XYLB: variants seen among roughly 807,000 people sequenced by gnomAD.
XYLB encodes the protein xylulokinase, also known as xylulose kinase.
Under a neutral mutation model 78.7 loss-of-function variants are expected in XYLB, and 62 were observed. That is an observed-to-expected ratio of 0.79 (90% CI 0.64 to 0.97). XYLB has a LOEUF of 0.97. Among genes scored for constraint, XYLB ranks in the 50% least tolerant of loss-of-function variants. The pLI is 0.00. For synonymous variants in XYLB, 245 were observed against 247.4 expected (o/e 0.99, Z 0.09); for missense variants, 687 against 676.8 (o/e 1.02, Z -0.17).
At chr3:38,422,678 A>C (rs545920963), downstream of XYLB, among the ~76,000 whole-genome samples, 3 of 152,188 alleles carry the variant, frequency 2.0e-5, no homozygotes, top group East Asian at 5.8e-4. Context: ...TGTACCTATA[A>C]ATTTATGGGG....
rs1455450010 is a variant in XYLB, at chr3:38,400,969, G to A, written c.1517G>A (p.Ser506Asn). 2.5e-6 allele frequency: 4 copies of A among 1,614,060 alleles called. No individual in the cohort carries two copies. The African/African-American group carries it at 4.0e-5, about 16-fold the overall frequency. The change falls in exon 18 of 19, where the codon AGC becomes AAC. Residue 506 changes from serine (S) to asparagine (N), a missense_variant. Ser to Asn is a conservative substitution (Grantham distance 46, BLOSUM62 1). Coordinates refer to ENST00000207870, the MANE Select transcript of XYLB (RefSeq NM_005108.4). ...APNPRLAATPSPGASQVYEAL... is the reference protein window; with the variant it reads ...APNPRLAATPNPGASQVYEAL... ...AATCCCAGACTAGCTGCTACCCCAAGCCCGGGAGCTTCTCAGGTGAGAGAC... is the reference window on the plus strand; with the variant it reads ...AATCCCAGACTAGCTGCTACCCCAAACCCGGGAGCTTCTCAGGTGAGAGAC...
chr3:38,375,725 C>G (rs901956876), intron 12 of XYLB, among the ~76,000 whole-genome samples: 2 of 152,122 alleles, frequency 1.3e-5, no homozygotes, highest in Non-Finnish European at 2.9e-5. Flanking sequence ...GGAGACCTGT[C>G]CAAAGCTCCT....
At chr3:38,368,163 T>TC in intron 7 of XYLB, 22 bp from the exon 8 acceptor site, 1 of 1,612,498 alleles carries the variant, frequency 6.2e-7, no homozygotes, top group South Asian at 1.1e-5. Flanking sequence ...GAGGCACCTC[T>TC]CACTGTTTCT....
chr3:38,406,057 G>A lies in XYLB; in HGVS notation c.1533+5072G>A, dbSNP rs181122952. ...GTGGTTCTCCCAGCACACCTCTGGAGATCTGAGAATGGGCAGACTGCCTCC... is the reference window on the plus strand; with the variant it reads ...GTGGTTCTCCCAGCACACCTCTGGAAATCTGAGAATGGGCAGACTGCCTCC... On this transcript the variant is annotated intron_variant, in intron 18 of 18. Transcript: ENST00000207870. 6.9e-3 allele frequency among the ~76,000 whole-genome samples: 1,048 copies of A among 152,348 alleles called. 7 individuals are homozygous for A. The highest frequency in any genetic ancestry group is 0.011 in the Non-Finnish European group (777 of 68,024).
At chr3:38,408,126 A>G (rs1258255137) in intron 18 of XYLB, among the ~76,000 whole-genome samples, 1 of 151,608 alleles carries the variant, frequency 6.6e-6, no homozygotes, top group Non-Finnish European at 1.5e-5. Context: ...TTGACCACAT[A>G]CTTGGAAGTA....
chr3:38,357,909 A>C (rs1454572303), intron 2 of XYLB, among the ~76,000 whole-genome samples: 4 of 28,656 alleles, frequency 1.4e-4, no homozygotes, highest in Non-Finnish European at 4.0e-4. Context: ...GAGTTGTAAA[A>C]GTTTTTTTTA....
Position 38,414,474 on chromosome 3 carries a change from T to A in XYLB, c.*1461T>A, listed in dbSNP as rs1708722175. 6.6e-6 allele frequency: 1 copy of A among 152,216 alleles called. No homozygotes were observed. The highest frequency in any genetic ancestry group is 2.1e-4 in the South Asian group (1 of 4,828). 9.4% of individuals were successfully genotyped at this position (152,216 alleles called of 1,614,324 possible). A position where few individuals can be genotyped will look rare whatever the true frequency, so the allele number is the denominator to read the frequency against. On this transcript the variant is annotated 3_prime_UTR_variant, in exon 19 of 19. Transcript: ENST00000207870. ...TACTTTTTAAAGACATTTTACATTATTGTCCAGCAGAAAAAGGCTGTCTTG... is the reference window on the plus strand; with the variant it reads ...TACTTTTTAAAGACATTTTACATTAATGTCCAGCAGAAAAAGGCTGTCTTG...
At chr3:38,416,343 A>G (rs946089657), downstream of XYLB, among the ~76,000 whole-genome samples, 3 of 152,328 alleles carry the variant, frequency 2.0e-5, no homozygotes, top group Middle Eastern at 3.4e-3. Context: ...AAGGTGTACT[A>G]TACTATTAAT....
At chr3:38,378,273 A>G (rs1706966474) in intron 14 of XYLB, among the ~76,000 whole-genome samples, 1 of 152,260 alleles carries the variant, frequency 6.6e-6, no homozygotes, top group South Asian at 2.1e-4. Flanking sequence ...TCAAGGAGAA[A>G]GTAGTGTTCT....
At chr3:38,442,042 G>A in the XYLB span, among the ~76,000 whole-genome samples, 1 of 152,098 alleles carries the variant, frequency 6.6e-6, no homozygotes, top group East Asian at 1.9e-4. Flanking sequence ...GTATAGAGTG[G>A]TCTGGCCATC....
At position 38,376,305 on chromosome 3, in the gene XYLB, C is replaced by G. The variant is rs1460169690; in HGVS notation, c.1120+73C>G. 8 of 1,088,644 alleles carry G rather than the reference C, an allele frequency of 7.3e-6. No individual in the cohort carries two copies. In the African/African-American group the frequency reaches 9.3e-5, roughly 13 times the overall value. The allele number at this position is 1,088,644 out of a possible 1,614,324, so 67.4% of individuals were successfully genotyped here. ...GACTGGAGGGGCAGAGCCTGGGGCC[C>G]CATGAGCTGGGGGAGAGGAGGGCCG... On this transcript the variant is annotated intron_variant, in intron 13 of 18. Transcript: ENST00000207870.
chr3:38,355,650 T>C (rs1400057963), intron 2 of XYLB: 14 of 693,044 alleles, frequency 2.0e-5, no homozygotes, highest in Non-Finnish European at 2.9e-5. Context: ...CAGTGGAATA[T>C]AAGAAAATGT....
At chr3:38,407,694 C>T (rs1358649515) in intron 18 of XYLB, among the ~76,000 whole-genome samples, 3 of 151,978 alleles carry the variant, frequency 2.0e-5, no homozygotes, top group Admixed American at 6.6e-5. Flanking sequence ...GGAAGATCTA[C>T]CAAACAAATG....
intron 15 of XYLB, among the ~76,000 whole-genome samples, chr3:38,390,674 C>G (rs1707612312): frequency 6.6e-6 from 1 of 152,272 alleles, no homozygotes; most frequent in African/African-American, 2.4e-5. Flanking sequence ...AGGCATGCAT[C>G]ACCGTTTCCA....
the XYLB span, among the ~76,000 whole-genome samples, chr3:38,440,595 C>T: frequency 1.3e-5 from 2 of 152,144 alleles, no homozygotes; most frequent in African/African-American, 4.8e-5. Flanking sequence ...TGTCAGGAAA[C>T]CTGCTGGGTT....
chr3:38,437,051 A>T, the XYLB span, among the ~76,000 whole-genome samples: 1 of 148,746 alleles, frequency 6.7e-6, no homozygotes, highest in Admixed American at 6.7e-5. Context: ...TAATAACAAA[A>T]ACCAAAAAAA....
chr3:38,401,922 C>A (rs141332997), intron 18 of XYLB, among the ~76,000 whole-genome samples: 1 of 152,232 alleles, frequency 6.6e-6, no homozygotes, highest in East Asian at 1.9e-4. Context: ...CTGAGATTTA[C>A]CTGACTTGCA....
downstream of XYLB, among the ~76,000 whole-genome samples, chr3:38,418,219 A>G (rs1244331741): frequency 6.6e-6 from 1 of 150,920 alleles, no homozygotes; most frequent in East Asian, 1.9e-4. Context: ...AAAAAGATAT[A>G]TATATATGTA....
intron 15 of XYLB, among the ~76,000 whole-genome samples, chr3:38,380,137 C>T (rs1707077657): frequency 6.6e-6 from 1 of 152,174 alleles, no homozygotes; most frequent in Admixed American, 6.5e-5. Context: ...GATTAATCCA[C>T]TCATAAAGCC....
Sources: gnomAD v4.1 joint callset for allele counts (sites outside exome capture counted in the v4.1 genomes callset) on GRCh38, gnomAD v4.1.1 for gene constraint, MANE v1.5 for transcripts, NCBI Gene and HGNC (gene_info 2026-07-23, HGNC 2026-07-21) for gene names.